Variants in TMEM132D observed in about 807,000 individuals in gnomAD.
TMEM132D encodes mature OL transmembrane protein.
A neutral mutation model predicts 62.3 loss-of-function variants in TMEM132D; 21 were observed. The ratio of observed to expected loss-of-function variants is 0.34; its 90% CI spans 0.24 to 0.49. The LOEUF (loss-of-function observed/expected upper bound fraction) is 0.49, where lower values mean the gene tolerates loss of function less well. Ranked by LOEUF, TMEM132D falls within the 20% of genes least tolerant of loss-of-function variation. The pLI, the probability that TMEM132D is intolerant of heterozygous loss-of-function variation, is 0.99. For missense variants in TMEM132D, 1,346 were observed against 1,402.8 expected (o/e 0.96, Z 0.65); for synonymous variants, 621 against 575.6 (o/e 1.08, Z -1.13).
At chr12:129,641,876 A>G (rs1426606143) in intron 2 of TMEM132D, among the ~76,000 whole-genome samples, 1 of 152,012 alleles carries the variant, frequency 6.6e-6, no homozygotes, top group East Asian at 1.9e-4. Flanking sequence ...CTATTATTCT[A>G]TTTTCAGATT....
Position 129,206,840 on chromosome 12 carries a change from T to C in TMEM132D, c.1443+2680A>G, listed in dbSNP as rs147477746. On this transcript the variant is annotated intron_variant, in intron 5 of 8. Transcript: ENST00000422113. ...AGCTAGAGGCCATTATCCTAACTAA[T>C]ACAGGAATAGAAAACCAAATACTCC... 1.6e-3 allele frequency among the ~76,000 whole-genome samples: 241 copies of C among 152,078 alleles called. 3 individuals are homozygous for C. The East Asian group carries it at 0.041, about 26-fold the overall frequency.
At chr12:129,803,445 T>G (rs2137309403) in intron 1 of TMEM132D, among the ~76,000 whole-genome samples, 1 of 151,946 alleles carries the variant, frequency 6.6e-6, no homozygotes, top group Non-Finnish European at 1.5e-5. Context: ...GACTACTGGG[T>G]ACATAACGAA....
intron 4 of TMEM132D, among the ~76,000 whole-genome samples, chr12:129,255,272 T>C (rs1354196209): frequency 6.6e-6 from 1 of 152,190 alleles, no homozygotes; most frequent in African/African-American, 2.4e-5. Flanking sequence ...GCCATTTCTT[T>C]ATAGTAGTGT....
chr12:129,728,799 T>G (rs879374272), intron 1 of TMEM132D, among the ~76,000 whole-genome samples: 5 of 152,164 alleles, frequency 3.3e-5, no homozygotes, highest in African/African-American at 4.8e-5. Flanking sequence ...AAACAGACAT[T>G]GCCCAAACTC....
chr12:129,562,482 C>T (rs1395257323), intron 2 of TMEM132D, among the ~76,000 whole-genome samples: 1 of 152,092 alleles, frequency 6.6e-6, no homozygotes, highest in Non-Finnish European at 1.5e-5. Flanking sequence ...GTGAACAAGC[C>T]CTGAGTCACT....
At chr12:129,833,889 C>T (rs1013443437) in intron 1 of TMEM132D, among the ~76,000 whole-genome samples, 1 of 152,100 alleles carries the variant, frequency 6.6e-6, no homozygotes, top group Non-Finnish European at 1.5e-5. Flanking sequence ...TGCCTACATG[C>T]CTAAAACTAT....
At chr12:129,103,073 T>C (rs919028226) in intron 5 of TMEM132D, among the ~76,000 whole-genome samples, 1 of 152,208 alleles carries the variant, frequency 6.6e-6, no homozygotes, top group Non-Finnish European at 1.5e-5. Context: ...AAATCCACCC[T>C]TCCATGCTCT....
At chr12:129,230,156 G>T (rs1300478969) in intron 4 of TMEM132D, among the ~76,000 whole-genome samples, 1 of 152,238 alleles carries the variant, frequency 6.6e-6, no homozygotes, top group Non-Finnish European at 1.5e-5. Context: ...CCAAGGAAAT[G>T]CATCTGAGGT....
chr12:129,657,445 A>G (rs1274318690), intron 2 of TMEM132D, among the ~76,000 whole-genome samples: 2 of 152,154 alleles, frequency 1.3e-5, no homozygotes, highest in African/African-American at 4.8e-5. Context: ...TCAGAAAACA[A>G]TGGGATAGGA....
At chr12:129,761,720 C>T (rs1466930593) in intron 1 of TMEM132D, among the ~76,000 whole-genome samples, 1 of 152,184 alleles carries the variant, frequency 6.6e-6, no homozygotes, top group Non-Finnish European at 1.5e-5. Context: ...GCTACGATAA[C>T]TCCCAACAAG....
chr12:129,275,299 A>G (rs1355131746), intron 4 of TMEM132D, among the ~76,000 whole-genome samples: 1 of 152,124 alleles, frequency 6.6e-6, no homozygotes, highest in African/African-American at 2.4e-5. Context: ...ATAAAATAAA[A>G]TAAAATAATA....
At chr12:129,222,895 C>A (rs12579944) in intron 4 of TMEM132D, among the ~76,000 whole-genome samples, 47,963 of 151,700 alleles carry the variant, frequency 0.32, 7,914 homozygotes, top group Middle Eastern at 0.42. Flanking sequence ...GAGAGCACAG[C>A]TCTTAAACGC....
chr12:129,684,026 G>A (rs528410756), intron 2 of TMEM132D, among the ~76,000 whole-genome samples: 11 of 152,124 alleles, frequency 7.2e-5, no homozygotes, highest in South Asian at 2.1e-4. Context: ...AAGTGCGAAC[G>A]TCAATGACTG....
In TMEM132D at chr12:129,304,662, C is replaced by CTTTTT. The variant is rs35812965; in HGVS notation, c.1299+32967_1299+32971dup. Among the ~76,000 whole-genome samples the CTTTTT allele has an allele frequency of 6.4e-3, 596 of 93,536 alleles. 1 individual carries two copies. Among genetic ancestry groups the CTTTTT allele is most frequent in the Non-Finnish European group, 7.6e-3 (371 of 49,048 alleles). 61.4% of individuals were successfully genotyped at this position (93,536 alleles called of 152,430 possible). A position where few individuals can be genotyped will look rare whatever the true frequency, so the allele number is the denominator to read the frequency against. On this transcript the variant is annotated intron_variant, in intron 4 of 8. Transcript: ENST00000422113. ...CCCTAAATACCAAACATACTTGGAT[C>CTTTTT]TTTTTTTTTTTTTTTTTTTTTTTTT... is the stretch of plus-strand genomic sequence containing the variant.
At chr12:129,732,032 C>A (rs916521918) in intron 1 of TMEM132D, among the ~76,000 whole-genome samples, 2 of 152,062 alleles carry the variant, frequency 1.3e-5, no homozygotes, top group Non-Finnish European at 2.9e-5. Flanking sequence ...ATGCTACCAT[C>A]GAGTGTAGGC....
chr12:129,085,628 C>G (rs958510225), intron 5 of TMEM132D: 1 of 151,148 alleles, frequency 6.6e-6, no homozygotes, highest in Non-Finnish European at 1.5e-5. Flanking sequence ...CTCAGAACAA[C>G]CACAACGCTA....
rs552767024 is a variant in TMEM132D, at chr12:129,111,563, C to G, written c.1444-26861G>C. 12 of 152,288 alleles carry G rather than the reference C, an allele frequency of 7.9e-5. No homozygotes were observed. In the Middle Eastern group the frequency reaches 0.01, roughly 129 times the overall value. 9.4% of individuals were successfully genotyped at this position (152,288 alleles called of 1,614,324 possible). ...TCCGGCGCCCAGAGAAGGAGTTGCT[C>G]TATTATCCTGGCACTCCATAAAGAA... On this transcript the variant is annotated intron_variant, in intron 5 of 8. Transcript: ENST00000422113.
intron 1 of TMEM132D, among the ~76,000 whole-genome samples, chr12:129,883,070 T>C (rs1468761209): frequency 2.0e-5 from 3 of 152,078 alleles, no homozygotes; most frequent in Non-Finnish European, 2.9e-5. Context: ...AGGAGGGGTG[T>C]GGACAGGCAT....
At chr12:129,319,035 A>G (rs1317609501) in intron 4 of TMEM132D, among the ~76,000 whole-genome samples, 1 of 151,956 alleles carries the variant, frequency 6.6e-6, no homozygotes, top group African/African-American at 2.4e-5. Context: ...GCCCTGGGCT[A>G]CCTGCCTTCC....
Sources: gnomAD v4.1 joint callset for allele counts (sites outside exome capture counted in the v4.1 genomes callset) on GRCh38, gnomAD v4.1.1 for gene constraint, MANE v1.5 for transcripts, NCBI Gene and HGNC (gene_info 2026-07-23, HGNC 2026-07-21) for gene names.